The following RBFOX1 variants were observed in gnomAD, a reference collection of about 807,000 sequenced individuals.
RBFOX1 encodes the protein RNA binding fox-1 homolog 1.
In RBFOX1, 8 loss-of-function variants were observed where a neutral mutation model predicts 57.7. The observed-to-expected ratio is 0.14, with a 90% CI of 0.08 to 0.25. The LOEUF (loss-of-function observed/expected upper bound fraction) is 0.25. Among genes scored for constraint, RBFOX1 ranks in the 10% least tolerant of loss-of-function variants. The pLI, the probability that RBFOX1 is intolerant of heterozygous loss-of-function variation, is 1.00. For missense variants in RBFOX1, 611 were observed against 548.5 expected, an observed-to-expected ratio of 1.11 and a Z score of -1.14; for synonymous variants, 326 against 222.4, an observed-to-expected ratio of 1.47 and a Z score of -4.15.
intron 1 of RBFOX1, among the ~76,000 whole-genome samples, chr16:5,305,269 A>C (rs1337506520): frequency 1.3e-5 from 2 of 152,154 alleles, no homozygotes; most frequent in East Asian, 1.9e-4. Context: ...AGAGAGGTCA[A>C]GTGTTCCTAT....
At chr16:5,262,556 C>A (rs1322894599) in intron 1 of RBFOX1, among the ~76,000 whole-genome samples, 1 of 152,176 alleles carries the variant, frequency 6.6e-6, no homozygotes, top group Non-Finnish European at 1.5e-5. Context: ...GCTGCAGACT[C>A]CAGGACTCCT....
At chr16:7,049,479 C>A (rs910815613) in intron 3 of RBFOX1, among the ~76,000 whole-genome samples, 3 of 151,678 alleles carry the variant, frequency 2.0e-5, no homozygotes. Flanking sequence ...AAAAAAAGAA[C>A]AATGGGGATT....
chr16:7,478,962 G>T (rs540044273), intron 4 of RBFOX1, among the ~76,000 whole-genome samples: 106 of 152,166 alleles, frequency 7.0e-4, no homozygotes, highest in African/African-American at 2.4e-3. Context: ...GACCGAACAC[G>T]GTATTAGCCT....
chr16:6,462,005 G>A (rs1378023756), intron 2 of RBFOX1, among the ~76,000 whole-genome samples: 1 of 152,138 alleles, frequency 6.6e-6, no homozygotes, highest in Admixed American at 6.5e-5. Context: ...GAAGGAAAGA[G>A]CAAACAAAAA....
At chr16:7,437,063 A>G (rs2098727722) in intron 4 of RBFOX1, among the ~76,000 whole-genome samples, 1 of 152,176 alleles carries the variant, frequency 6.6e-6, no homozygotes, top group Admixed American at 6.5e-5. Flanking sequence ...CCTGGGTGAC[A>G]GAGCGAGACT....
chr16:7,642,422 A>G (rs975449092), intron 11 of RBFOX1, among the ~76,000 whole-genome samples: 2 of 152,164 alleles, frequency 1.3e-5, no homozygotes, highest in African/African-American at 4.8e-5. Flanking sequence ...TGAACAATGC[A>G]TGTGCGTCGC....
intron 3 of RBFOX1, among the ~76,000 whole-genome samples, chr16:6,847,956 A>G (rs865857498): frequency 6.6e-6 from 1 of 151,910 alleles, no homozygotes; most frequent in Admixed American, 6.6e-5. Flanking sequence ...CAGCCTCCCA[A>G]ATAGCTAAGA....
At chr16:7,481,199 C>A (rs1166882558) in intron 4 of RBFOX1, among the ~76,000 whole-genome samples, 1 of 152,140 alleles carries the variant, frequency 6.6e-6, no homozygotes, top group Non-Finnish European at 1.5e-5. Context: ...ATAAATGGAA[C>A]AGAGTAAGGA....
At chr16:5,741,578 A>G (rs535521407) in intron 3 of RBFOX1, among the ~76,000 whole-genome samples, 33 of 152,284 alleles carry the variant, frequency 2.2e-4, no homozygotes, top group African/African-American at 7.5e-4. Flanking sequence ...GTAAAAACAT[A>G]TTTTATACAC....
chr16:5,845,347 C>T (rs1017851702), intron 3 of RBFOX1, among the ~76,000 whole-genome samples: 1 of 152,218 alleles, frequency 6.6e-6, no homozygotes, highest in African/African-American at 2.4e-5. Context: ...TCCTCTCCAG[C>T]CTGTCTTGAG....
At chr16:7,601,711 T>C (rs1269426981) in intron 9 of RBFOX1, among the ~76,000 whole-genome samples, 2 of 152,164 alleles carry the variant, frequency 1.3e-5, no homozygotes, top group Non-Finnish European at 2.9e-5. Context: ...GGAGCAGTGG[T>C]AAATGTGACT....
At chr16:7,221,168 A>G (rs1161626441) in intron 4 of RBFOX1, among the ~76,000 whole-genome samples, 1 of 152,012 alleles carries the variant, frequency 6.6e-6, no homozygotes, top group Admixed American at 6.6e-5. Flanking sequence ...CTCCCTGTGT[A>G]TTTTAGAGAG....
intron 3 of RBFOX1, among the ~76,000 whole-genome samples, chr16:6,992,166 A>ATTT (rs148693407): frequency 6.7e-5 from 10 of 148,346 alleles, no homozygotes; most frequent in Non-Finnish European, 1.0e-4. Context: ...TAGAGAAGCA[A>ATTT]TTTTTTGTTT....
intron 3 of RBFOX1, among the ~76,000 whole-genome samples, chr16:7,025,131 C>T (rs986558020): frequency 2.0e-5 from 3 of 152,154 alleles, no homozygotes; most frequent in Non-Finnish European, 4.4e-5. Context: ...ATGTCCACTC[C>T]ATAGACAGAA....
chr16:7,634,956 A>G (rs531150046), intron 11 of RBFOX1, among the ~76,000 whole-genome samples: 15 of 152,358 alleles, frequency 9.8e-5, no homozygotes, highest in African/African-American at 3.6e-4. Context: ...CAATAGAAAC[A>G]ATTCAACCCC....
intron 2 of RBFOX1, among the ~76,000 whole-genome samples, chr16:6,332,676 G>A (rs541680342): frequency 2.0e-4 from 30 of 152,300 alleles, no homozygotes; most frequent in African/African-American, 7.0e-4. Flanking sequence ...TAGGGGTTCT[G>A]GGAACAGGAA....
chr16:7,289,502 C>G (rs956285051), intron 4 of RBFOX1, among the ~76,000 whole-genome samples: 2 of 152,094 alleles, frequency 1.3e-5, no homozygotes, highest in Non-Finnish European at 2.9e-5. Context: ...ATCGTTATTA[C>G]AGTCACCTTC....
At chr16:7,247,843 A>G (rs910056953) in intron 4 of RBFOX1, among the ~76,000 whole-genome samples, 1 of 152,064 alleles carries the variant, frequency 6.6e-6, no homozygotes, top group African/African-American at 2.4e-5. Context: ...AATGATGAGG[A>G]CTCATGGACC....
intron 4 of RBFOX1, among the ~76,000 whole-genome samples, chr16:7,161,496 G>T (rs991222243): frequency 4.6e-5 from 7 of 152,072 alleles, no homozygotes; most frequent in African/African-American, 1.7e-4. Flanking sequence ...CACTCTTAGG[G>T]GTTAGGAATC....
Sources: allele counts gnomAD v4.1 joint callset (sites outside exome capture counted in the v4.1 genomes callset), GRCh38; gene constraint gnomAD v4.1.1; transcripts MANE v1.5; gene names NCBI Gene and HGNC (gene_info 2026-07-23, HGNC 2026-07-21).